RIMS2: variants seen among roughly 807,000 people sequenced by gnomAD.
RIMS2 encodes regulating synaptic membrane exocytosis protein 2.
In RIMS2, 59 loss-of-function variants were observed where a neutral mutation model predicts 174.4. That is an observed-to-expected ratio of 0.34 (90% CI 0.27 to 0.42). RIMS2 has a LOEUF of 0.42. RIMS2 is among the 10% of genes least tolerant of loss of function. The pLI is 1.00. For missense variants in RIMS2, 1,620 were observed against 1,666.3 expected (o/e 0.97, Z 0.48); for synonymous variants, 606 against 572.5 (o/e 1.06, Z -0.84).
At chr8:104,188,610 G>A (rs2098981950) in intron 19 of RIMS2, among the ~76,000 whole-genome samples, 1 of 151,762 alleles carries the variant, frequency 6.6e-6, no homozygotes, top group African/African-American at 2.4e-5. Context: ...GTGCAGAGAT[G>A]TAGTATCCAA....
intron 2 of RIMS2, among the ~76,000 whole-genome samples, chr8:103,730,775 A>G (rs1057443451): frequency 3.3e-5 from 5 of 152,192 alleles, no homozygotes; most frequent in African/African-American, 9.6e-5. Flanking sequence ...TCTGATGTTG[A>G]TGAAATCTCT....
intron 19 of RIMS2, among the ~76,000 whole-genome samples, chr8:104,141,809 G>T (rs1188746770): frequency 6.6e-6 from 1 of 151,998 alleles, no homozygotes; most frequent in Non-Finnish European, 1.5e-5. Flanking sequence ...CATCATTCAG[G>T]GCTCAGCTAA....
intron 3 of RIMS2, among the ~76,000 whole-genome samples, chr8:103,836,395 A>G (rs1416657419): frequency 6.6e-6 from 1 of 152,066 alleles, no homozygotes; most frequent in Non-Finnish European, 1.5e-5. Context: ...TACAAAAACA[A>G]GGAAAGAAAG....
chr8:103,700,843 T>C (rs753771693), intron 2 of RIMS2, among the ~76,000 whole-genome samples: 2 of 152,080 alleles, frequency 1.3e-5, no homozygotes, highest in Non-Finnish European at 2.9e-5. Context: ...TAAATTATTG[T>C]TGTCAACCTT....
chr8:104,110,567 C>A (rs2098162924), intron 19 of RIMS2, among the ~76,000 whole-genome samples: 1 of 152,128 alleles, frequency 6.6e-6, no homozygotes, highest in South Asian at 2.1e-4. Context: ...CCCATGGGTT[C>A]TCTTGTTAAG....
chr8:103,766,339 T>G (rs768028514), exon 3 of RIMS2: 1 of 1,613,714 alleles, frequency 6.2e-7, no homozygotes, highest in South Asian at 1.1e-5. Context: ...CAAAAGGTTC[T>G]TCGAGGGCTA....
chr8:103,899,179 C>A (rs1416047045), intron 4 of RIMS2, among the ~76,000 whole-genome samples: 1 of 151,710 alleles, frequency 6.6e-6, no homozygotes, highest in East Asian at 1.9e-4. Context: ...CCGCAATAAA[C>A]ATATGTGTGC....
chr8:103,726,003 G>A (rs1254843679), intron 2 of RIMS2, among the ~76,000 whole-genome samples: 6 of 151,842 alleles, frequency 4.0e-5, no homozygotes, highest in Non-Finnish European at 7.4e-5. Flanking sequence ...TTTAAATTTG[G>A]GTTGTTTGTC....
intron 15 of RIMS2, among the ~76,000 whole-genome samples, chr8:103,964,110 T>C (rs2091064937): frequency 6.6e-6 from 1 of 152,246 alleles, no homozygotes; most frequent in Admixed American, 6.5e-5. Context: ...GTTTTGGCAA[T>C]TATAAATAAA....
chr8:104,105,811 G>A (rs1179119504), intron 19 of RIMS2, among the ~76,000 whole-genome samples: 1 of 151,852 alleles, frequency 6.6e-6, no homozygotes, highest in Non-Finnish European at 1.5e-5. Flanking sequence ...GGCCGAGGTG[G>A]GCAGATCATG....
chr8:103,674,074 T>C (rs1313945325), intron 1 of RIMS2, among the ~76,000 whole-genome samples: 1 of 152,248 alleles, frequency 6.6e-6, no homozygotes, highest in Non-Finnish European at 1.5e-5. Context: ...GCTAAACTTT[T>C]TGCTTAGGCA....
intron 1 of RIMS2, among the ~76,000 whole-genome samples, chr8:103,607,159 G>A (rs564652447): frequency 6.6e-6 from 1 of 152,012 alleles, no homozygotes; most frequent in African/African-American, 2.4e-5. Flanking sequence ...CTTTCCATGT[G>A]TAGTGCTTCC....
intron 16 of RIMS2, among the ~76,000 whole-genome samples, chr8:103,982,717 C>G (rs998570547): frequency 1.3e-5 from 2 of 151,994 alleles, no homozygotes; most frequent in African/African-American, 4.8e-5. Flanking sequence ...AAGATAAAAA[C>G]CCTCAAAAAA....
intron 17 of RIMS2, among the ~76,000 whole-genome samples, chr8:104,012,610 C>T (rs1332092209): frequency 6.6e-6 from 1 of 151,748 alleles, no homozygotes; most frequent in Non-Finnish European, 1.5e-5. Context: ...AAGTCATCTC[C>T]CAAATTGTGG....
At chr8:104,156,518 A>G (rs1447346176) in intron 19 of RIMS2, among the ~76,000 whole-genome samples, 1 of 152,228 alleles carries the variant, frequency 6.6e-6, no homozygotes, top group East Asian at 1.9e-4. Context: ...AAGGCACTTT[A>G]CTTCAAATAT....
intron 1 of RIMS2, among the ~76,000 whole-genome samples, chr8:103,535,634 CTG>C (rs1469053050): frequency 6.6e-6 from 1 of 152,202 alleles, no homozygotes; most frequent in African/African-American, 2.4e-5. Context: ...TCTTCCCAAA[CTG>C]TGGGGCAACA....
At chr8:103,936,836 C>G in intron 13 of RIMS2, 114 bp downstream of exon 15, 1 of 777,430 alleles carries the variant, frequency 1.3e-6, no homozygotes, top group Non-Finnish European at 2.0e-6. Context: ...TGGCTCATGC[C>G]TGTAATCTCA....
chr8:103,943,119 C>A (rs1210445326), intron 14 of RIMS2, among the ~76,000 whole-genome samples, 193 bp downstream of exon 16: 2 of 152,064 alleles, frequency 1.3e-5, no homozygotes, highest in East Asian at 3.9e-4. Context: ...AGGTTGTACC[C>A]ATAGCATTCA....
chr8:103,998,375 A>G (rs946300192), intron 17 of RIMS2: 6 of 509,386 alleles, frequency 1.2e-5, no homozygotes, highest in Non-Finnish European at 2.1e-5. Context: ...AAATATAGAA[A>G]TATCACCCAC....
Sources: gnomAD v4.1 joint callset for allele counts (sites outside exome capture counted in the v4.1 genomes callset) on GRCh38, gnomAD v4.1.1 for gene constraint, MANE v1.5 for transcripts, NCBI Gene and HGNC (gene_info 2026-07-23, HGNC 2026-07-21) for gene names.